Variants in SIPA1L3 observed in about 807,000 individuals in gnomAD.
The protein encoded by SIPA1L3 is signal-induced proliferation-associated 1-like protein 3.
A neutral mutation model predicts 150.1 loss-of-function variants in SIPA1L3; 59 were observed. That is an observed-to-expected ratio of 0.39 (90% CI 0.32 to 0.49). The LOEUF is 0.49. Ranked by LOEUF, SIPA1L3 falls within the 20% of genes least tolerant of loss-of-function variation. The probability of loss-of-function intolerance (pLI) is 0.86; values close to 1 mark genes in which losing one functional copy is unlikely to be tolerated. For synonymous variants in SIPA1L3, 1,070 were observed against 1,077.6 expected, an observed-to-expected ratio of 0.99 and a Z score of 0.14; for missense variants, 2,211 against 2,489.5, an observed-to-expected ratio of 0.89 and a Z score of 2.38.
intron 1 of SIPA1L3, among the ~76,000 whole-genome samples, chr19:37,975,162 T>C (rs1406988919): frequency 6.6e-6 from 1 of 152,182 alleles, no homozygotes; most frequent in African/African-American, 2.4e-5. Flanking sequence ...CGCAAGAGAC[T>C]TGGGCATTCA....
chr19:38,193,611 C>T lies in SIPA1L3; in HGVS notation c.4671C>T (p.Phe1557=), dbSNP rs577727021. 280 of 1,565,408 alleles carry T rather than the reference C, an allele frequency of 1.8e-4. No individual in the cohort carries two copies. The highest frequency in any genetic ancestry group is 2.3e-4 in the Non-Finnish European group (267 of 1,165,754). Residue 1557 remains phenylalanine (F), a synonymous_variant, in exon 18 of 22, where the codon TTC becomes TTT. Transcript: ENST00000222345. ...GCAGCGGGCGCCGGGAGCCCAGCTT[C>T]GCCAGCCCCGCTGGCCTAGAGCCAG... ...SLCSGRREPS[F]ASPAGLEPGL...
intron 4 of SIPA1L3, among the ~76,000 whole-genome samples, chr19:38,097,651 G>T (rs1970409780): frequency 6.6e-6 from 1 of 152,164 alleles, no homozygotes. Context: ...CCTCCTCCTG[G>T]GTTCAAGCGA....
At chr19:38,038,298 A>G (rs576312884) in intron 2 of SIPA1L3, among the ~76,000 whole-genome samples, 1 of 152,280 alleles carries the variant, frequency 6.6e-6, no homozygotes, top group Non-Finnish European at 1.5e-5. Context: ...TCCTCATGTA[A>G]AAGTCATGTG....
chr19:37,918,954 G>A (rs1449534002), intron 1 of SIPA1L3, among the ~76,000 whole-genome samples: 4 of 151,968 alleles, frequency 2.6e-5, no homozygotes, highest in African/African-American at 9.7e-5. Flanking sequence ...CTGTTGTGTC[G>A]CTGACTCTGG....
chr19:38,033,601 T>C (rs1309913499), intron 2 of SIPA1L3, among the ~76,000 whole-genome samples: 1 of 151,998 alleles, frequency 6.6e-6, no homozygotes, highest in Admixed American at 6.6e-5. Flanking sequence ...GGCAGGAGGA[T>C]CACTTGCGCC....
At chr19:38,110,893 C>G (rs1431338630) in intron 8 of SIPA1L3, among the ~76,000 whole-genome samples, 1 of 152,052 alleles carries the variant, frequency 6.6e-6, no homozygotes, top group African/African-American at 2.4e-5. Flanking sequence ...ACCAGCCAGG[C>G]CTGGGCACTG....
rs35759392 is a variant in SIPA1L3, at chr19:38,079,559, AT to A, written c.-310-1682del. On this transcript the variant is annotated intron_variant, in intron 2 of 21. Transcript: ENST00000222345. Reference sequence around the variant, plus strand: ...TTTGTGTTTGTTTTTGTTTTTGGGGATTTTTTTTTTTTTTTGAGATAGGATC... The same window carrying A: ...TTTGTGTTTGTTTTTGTTTTTGGGGATTTTTTTTTTTTTTGAGATAGGATC... Among the ~76,000 whole-genome samples the A allele has an allele frequency of 6.1e-3, 863 of 141,352 alleles. 3 individuals are homozygous for A. The highest frequency in any genetic ancestry group is 7.5e-3 in the African/African-American group (291 of 38,630). The allele number at this position is 141,352 out of a possible 152,430, so 92.7% of individuals were successfully genotyped here.
rs754211530 is a variant in SIPA1L3, at chr19:38,192,209, C to T, written c.4495C>T (p.Leu1499Phe). The T allele has an allele frequency of 6.2e-7, 1 of 1,613,664 alleles. No individual in the cohort carries two copies. Among genetic ancestry groups the T allele is most frequent in the Non-Finnish European group, 8.5e-7 (1 of 1,179,816 alleles). The change falls in exon 17 of 22, where the codon CTC (leucine) becomes TTC (phenylalanine). Residue 1499 changes from leucine to phenylalanine, a missense_variant. This residue lies in a region of SIPA1L3 where 806 missense variants were observed against 870.1 expected (regional missense o/e 0.93). Transcript: ENST00000222345. ...QPRLRASLRDLRSPRKNYKST... is the reference protein window; with the variant it reads ...QPRLRASLRDFRSPRKNYKST... ...GAGGTTGAGGGCATCCCTCCGAGAC[C>T]TCCGGTCACCACGGAAGAACTACAA...
At chr19:38,151,696 C>T (rs1008512783) in intron 12 of SIPA1L3, among the ~76,000 whole-genome samples, 3 of 152,110 alleles carry the variant, frequency 2.0e-5, no homozygotes, top group African/African-American at 7.2e-5. Context: ...GGCATGGTGG[C>T]TCACATCTGT....
At chr19:38,005,652 A>G (rs1173259854) in intron 1 of SIPA1L3, among the ~76,000 whole-genome samples, 1 of 152,086 alleles carries the variant, frequency 6.6e-6, no homozygotes, top group African/African-American at 2.4e-5. Flanking sequence ...CAGGAACCAA[A>G]TCTGTTTTGT....
At chr19:38,028,880 G>A (rs1204764704) in intron 1 of SIPA1L3, among the ~76,000 whole-genome samples, 1 of 152,096 alleles carries the variant, frequency 6.6e-6, no homozygotes, top group Non-Finnish European at 1.5e-5. Flanking sequence ...TTTTAGTAGA[G>A]ATGGGGTTTT....
intron 3 of SIPA1L3, among the ~76,000 whole-genome samples, chr19:38,085,235 A>C (rs1970099218): frequency 6.6e-6 from 1 of 152,042 alleles, no homozygotes; most frequent in Admixed American, 6.6e-5. Flanking sequence ...TAATCCCAGC[A>C]CTTTGGGAGG....
chr19:38,122,484 C>T (rs945889082), intron 9 of SIPA1L3, among the ~76,000 whole-genome samples: 3 of 152,176 alleles, frequency 2.0e-5, no homozygotes, highest in African/African-American at 7.2e-5. Flanking sequence ...ACCCTGGTCT[C>T]TCCCGGACAC....
Position 37,947,345 on chromosome 19 carries a change from T to C in SIPA1L3, c.-379+39987T>C, listed in dbSNP as rs558128740. ...TCTACTAAAAATACAAAAAATTAGC[T>C]GGGTGTGGTGGCAGGCACCTGTAGT... On this transcript the variant is annotated intron_variant, in intron 1 of 21. Transcript: ENST00000222345. Among the ~76,000 whole-genome samples the C allele has an allele frequency of 1.6e-3, 246 of 151,902 alleles. 1 individual carries two copies. The East Asian group carries it at 0.02, about 12-fold the overall frequency.
intron 15 of SIPA1L3, among the ~76,000 whole-genome samples, chr19:38,174,092 G>A (rs1046449802): frequency 6.6e-6 from 1 of 152,168 alleles, no homozygotes; most frequent in African/African-American, 2.4e-5. Context: ...GGCTGGGGAA[G>A]GATGCAGGAG....
chr19:38,116,308 G>T (rs1387128311), intron 8 of SIPA1L3, among the ~76,000 whole-genome samples: 2 of 151,806 alleles, frequency 1.3e-5, no homozygotes, highest in Non-Finnish European at 2.9e-5. Context: ...AGGAGTTCAA[G>T]ACCAGCCTGA....
rs111348396 is a variant in SIPA1L3 at position 38,149,168 on chromosome 19, G to T, written c.3534-3672G>T. ...CACTTTGGGAGGCCGAGGTGGGCAG[G>T]TGCAAGCAGATCACTTGAGGCCAGG... On this transcript the variant is annotated intron_variant, in intron 12 of 21. Coordinates refer to ENST00000222345, the MANE Select transcript of SIPA1L3 (RefSeq NM_015073.3). Among the ~76,000 whole-genome samples, 885 of 152,240 alleles carry T rather than the reference G, an allele frequency of 5.8e-3. 6 individuals are homozygous for T. Among genetic ancestry groups the T allele is most frequent in the African/African-American group, 0.02 (836 of 41,534 alleles).
At chr19:38,196,525 G>A (rs959799449) in intron 18 of SIPA1L3, among the ~76,000 whole-genome samples, 20 of 150,374 alleles carry the variant, frequency 1.3e-4, no homozygotes, top group Admixed American at 1.0e-3. Flanking sequence ...GGAGCATGGA[G>A]GTCAAGGGCA....
At chr19:38,115,300 C>G (rs1970858348) in intron 8 of SIPA1L3, among the ~76,000 whole-genome samples, 1 of 152,170 alleles carries the variant, frequency 6.6e-6, no homozygotes, top group African/African-American at 2.4e-5. Context: ...GAAATAAATA[C>G]TCCAGCCTCT....
Sources: gnomAD v4.1 joint callset for allele counts (sites outside exome capture counted in the v4.1 genomes callset) on GRCh38, gnomAD v4.1.1 for gene constraint, gnomAD v4.1.1 regional missense constraint, MANE v1.5 for transcripts, NCBI Gene and HGNC (gene_info 2026-07-23, HGNC 2026-07-21) for gene names.